Variants in TCF4 observed in about 807,000 individuals in gnomAD.
TCF4 encodes the protein SL3-3 enhancer factor 2.
A neutral mutation model predicts 82.1 loss-of-function variants in TCF4; 3 were observed. The observed-to-expected ratio is 0.04, with a 90% CI of 0.02 to 0.09. The LOEUF (loss-of-function observed/expected upper bound fraction) is 0.09. Among genes scored for constraint, TCF4 ranks in the 10% least tolerant of loss-of-function variants. The probability of loss-of-function intolerance (pLI) is 1.00; values close to 1 mark genes in which losing one functional copy is unlikely to be tolerated. For synonymous variants in TCF4, 276 were observed against 309.6 expected (o/e 0.89, Z 1.14); for missense variants, 518 against 852.7 (o/e 0.61, Z 4.89).
intron 2 of TCF4, among the ~76,000 whole-genome samples, chr18:55,624,933 A>G (rs1200366466): frequency 6.6e-6 from 1 of 152,200 alleles, no homozygotes; most frequent in African/African-American, 2.4e-5. Context: ...TCCTAGTACC[A>G]GTCCTCACTC....
At chr18:55,428,332 A>G (rs926710501) in intron 5 of TCF4, among the ~76,000 whole-genome samples, 8 of 152,198 alleles carry the variant, frequency 5.3e-5, no homozygotes, top group African/African-American at 2.4e-5. Flanking sequence ...TTCTACTGCT[A>G]GGCTCAAGGC....
intron 6 of TCF4, among the ~76,000 whole-genome samples, chr18:55,377,845 T>C (rs984432674): frequency 6.6e-6 from 1 of 152,238 alleles, no homozygotes; most frequent in Non-Finnish European, 1.5e-5. Flanking sequence ...ACAAGACACA[T>C]TGCCAGAGAG....
At chr18:55,534,619 C>T (rs888079448) in intron 3 of TCF4, among the ~76,000 whole-genome samples, 3 of 152,180 alleles carry the variant, frequency 2.0e-5, no homozygotes, top group Non-Finnish European at 4.4e-5. Flanking sequence ...AAAAGAGTTG[C>T]CTTCTTTCCT....
intron 2 of TCF4, among the ~76,000 whole-genome samples, chr18:55,613,122 A>G (rs369616833): frequency 6.6e-6 from 1 of 152,152 alleles, no homozygotes; most frequent in Non-Finnish European, 1.5e-5. Flanking sequence ...TATATTTGAC[A>G]TTCAATAAAC....
chr18:55,583,350 T>C (rs1329376456), intron 3 of TCF4, among the ~76,000 whole-genome samples: 4 of 152,106 alleles, frequency 2.6e-5, no homozygotes, highest in African/African-American at 9.7e-5. Context: ...TGTGTATGTG[T>C]GTATGTGTGT....
At chr18:55,606,766 G>A (rs756155436) in intron 2 of TCF4, among the ~76,000 whole-genome samples, 18 of 152,178 alleles carry the variant, frequency 1.2e-4, no homozygotes, top group Non-Finnish European at 2.1e-4. Context: ...TTCTCCTGGT[G>A]ACAACTGAAT....
At chr18:55,419,991 G>A (rs2094672617) in intron 5 of TCF4, among the ~76,000 whole-genome samples, 1 of 152,100 alleles carries the variant, frequency 6.6e-6, no homozygotes, top group South Asian at 2.1e-4. Context: ...TATCTTCTAG[G>A]GAGGGTAAAA....
chr18:55,337,738 A>G (rs1569073199), intron 8 of TCF4, among the ~76,000 whole-genome samples: 1 of 152,096 alleles, frequency 6.6e-6, no homozygotes, highest in Non-Finnish European at 1.5e-5. Flanking sequence ...CTTCAAGTGC[A>G]CTATATATTA....
chr18:55,315,436 T>C (rs2073889862), intron 8 of TCF4, among the ~76,000 whole-genome samples: 1 of 152,256 alleles, frequency 6.6e-6, no homozygotes, highest in South Asian at 2.1e-4. Context: ...TGTGAACTCT[T>C]AAATTCTAAT....
chr18:55,357,957 C>T (rs1267419665), intron 6 of TCF4, among the ~76,000 whole-genome samples: 1 of 152,214 alleles, frequency 6.6e-6, no homozygotes, highest in Non-Finnish European at 1.5e-5. Flanking sequence ...TCAATGTAAT[C>T]TTCAACTCAT....
chr18:55,465,132 C>A (rs2095983674), intron 3 of TCF4, among the ~76,000 whole-genome samples: 1 of 152,150 alleles, frequency 6.6e-6, no homozygotes, highest in Non-Finnish European at 1.5e-5. Flanking sequence ...AACAGACGGC[C>A]ATCACAAACA....
At chr18:55,357,847 A>G (rs1208488352) in intron 6 of TCF4, among the ~76,000 whole-genome samples, 1 of 152,228 alleles carries the variant, frequency 6.6e-6, no homozygotes, top group Non-Finnish European at 1.5e-5. Flanking sequence ...AGATATCACT[A>G]TAACAAAGTG....
chr18:55,613,375 A>G (rs1213734980), intron 2 of TCF4, among the ~76,000 whole-genome samples: 3 of 152,060 alleles, frequency 2.0e-5, no homozygotes, highest in African/African-American at 7.2e-5. Context: ...CATACAGTGT[A>G]TATTTTTTGT....
At chr18:55,281,345 T>A (rs752303137) in intron 8 of TCF4, among the ~76,000 whole-genome samples, 8 of 152,118 alleles carry the variant, frequency 5.3e-5, no homozygotes, top group Non-Finnish European at 1.0e-4. Flanking sequence ...GAGAAGGTCT[T>A]GAGAATAATC....
At chr18:55,385,249 T>C (rs2092481276) in intron 6 of TCF4, among the ~76,000 whole-genome samples, 1 of 152,102 alleles carries the variant, frequency 6.6e-6, no homozygotes, top group Non-Finnish European at 1.5e-5. Flanking sequence ...TTGAACAAAA[T>C]ACAAATACAT....
intron 3 of TCF4, among the ~76,000 whole-genome samples, chr18:55,503,971 G>A (rs1603616755): frequency 6.6e-6 from 1 of 152,170 alleles, no homozygotes; most frequent in African/African-American, 2.4e-5. Flanking sequence ...CTACTGAGGA[G>A]GCTGAGGCAC....
chr18:55,246,520 G>T (rs2053252224), intron 15 of TCF4, among the ~76,000 whole-genome samples: 1 of 152,134 alleles, frequency 6.6e-6, no homozygotes, highest in African/African-American at 2.4e-5. Flanking sequence ...GGCATGCACA[G>T]TGTCCTCATC....
At chr18:55,285,977 T>G (rs1050059244) in intron 8 of TCF4, among the ~76,000 whole-genome samples, 1 of 152,304 alleles carries the variant, frequency 6.6e-6, no homozygotes, top group African/African-American at 2.4e-5. Context: ...TTAAAGTCTT[T>G]TTTTCTAACC....
intron 5 of TCF4, among the ~76,000 whole-genome samples, chr18:55,430,066 A>C (rs2095139223): frequency 6.6e-6 from 1 of 152,168 alleles, no homozygotes; most frequent in South Asian, 2.1e-4. Flanking sequence ...GTATATTTTT[A>C]AATATAATAT....
Sources: gnomAD v4.1 joint callset for allele counts (sites outside exome capture counted in the v4.1 genomes callset) on GRCh38, gnomAD v4.1.1 for gene constraint, MANE v1.5 for transcripts, NCBI Gene and HGNC (gene_info 2026-07-23, HGNC 2026-07-21) for gene names.